MMP17: variants seen among roughly 807,000 people sequenced by gnomAD.
The protein encoded by MMP17 is matrix metalloproteinase-17.
In MMP17, 54 loss-of-function variants were observed where a neutral mutation model predicts 49.1. That is an observed-to-expected ratio of 1.10 (90% CI 0.88 to 1.38). MMP17 has a LOEUF of 1.38. MMP17 is among the 40% of genes most tolerant of loss of function. The pLI, the probability that MMP17 is intolerant of heterozygous loss-of-function variation, is 0.00. For synonymous variants in MMP17, 397 were observed against 383.1 expected (o/e 1.04, Z -0.42); for missense variants, 837 against 853.7 (o/e 0.98, Z 0.24).
At position 131,851,104 on chromosome 12, in the gene MMP17, C is replaced by T; in HGVS notation, c.1642C>T (p.Gln548Ter). 1 of 1,598,560 alleles carries T rather than the reference C, an allele frequency of 6.3e-7. No homozygotes were observed. Among genetic ancestry groups the T allele is most frequent in the Non-Finnish European group, 8.5e-7 (1 of 1,173,438 alleles). Residue 548 changes from glutamine to a stop codon, truncating the protein, a stop_gained, in exon 10 of 10, where the codon CAA (glutamine) becomes TAA (stop). Coordinates refer to ENST00000360564, the MANE Select transcript of MMP17 (RefSeq NM_016155.7). LOFTEE classifies it low-confidence loss of function (END_TRUNC). Reference sequence around the variant, plus strand: ...AGAGGGGCCCCGCGCCCCTCCAGGACAACATGACCAGAGCCGCTCGGAGGA... The same window carrying T: ...AGAGGGGCCCCGCGCCCCTCCAGGATAACATGACCAGAGCCGCTCGGAGGA... ...AAEGPRAPPG[Q>*]HDQSRSEDGY...
chr12:131,849,963 G>A lies in MMP17; in HGVS notation c.1366G>A (p.Asp456Asn). 1.2e-6 allele frequency: 2 copies of A among 1,613,958 alleles called. No homozygotes were observed. The highest frequency in any genetic ancestry group is 1.7e-6 in the Non-Finnish European group (2 of 1,180,004). The change falls in exon 9 of 10, where the codon GAC (aspartate) becomes AAC (asparagine). Residue 456 changes from aspartate to asparagine, a missense_variant. Physicochemically the swap from Asp to Asn is conservative, Grantham distance 23. Coordinates refer to ENST00000360564, the MANE Select transcript of MMP17 (RefSeq NM_016155.7). ...GGACCAGCTGTACTGGCGCTACGAT[G>A]ACCACACGAGGCACATGGACCCCGG... The part of the protein sequence containing the change: ...FKDQLYWRYD[D>N]HTRHMDPGYP...
rs142604695 is a variant in MMP17 at position 131,846,311 on chromosome 12, C to T, written c.1204+862C>T. ...ACCCGGCCGTCTCCTCCCCCATCTC[C>T]GCATCTTCTCTTATAAGGAAGCCGG... On this transcript the variant is annotated intron_variant, in intron 8 of 9. Coordinates refer to ENST00000360564, the MANE Select transcript of MMP17 (RefSeq NM_016155.7). This position sits in a 1 kb window ranked among gnomAD's most constrained non-coding sequence, Gnocchi z 4.6. Among the ~76,000 whole-genome samples, 231 of 152,272 alleles carry T rather than the reference C, an allele frequency of 1.5e-3. 3 individuals carry two copies. The South Asian group carries it at 0.021, about 14-fold the overall frequency.
rs1162700856 is a variant in MMP17, at chr12:131,845,182, G to A, written c.1033G>A (p.Glu345Lys). The A allele has an allele frequency of 6.2e-7, 1 of 1,614,080 alleles. No homozygotes were observed. Among genetic ancestry groups the A allele is most frequent in the South Asian group, 1.1e-5 (1 of 91,080 alleles). Residue 345 changes from glutamate (E) to lysine (K), a missense_variant, in exon 7 of 10, where the codon GAA becomes AAA. Coordinates refer to ENST00000360564, the MANE Select transcript of MMP17 (RefSeq NM_016155.7). ...HFDAVAQIRGEAFFFKGKYFW... is the reference protein window; with the variant it reads ...HFDAVAQIRGKAFFFKGKYFW... ...TGACGCGGTGGCCCAGATCCGGGGT[G>A]AAGCTTTCTTCTTCAAAGGTACCTC...
chr12:131,836,936 A>C (rs1270784173), intron 1 of MMP17, among the ~76,000 whole-genome samples: 1 of 152,132 alleles, frequency 6.6e-6, no homozygotes, highest in African/African-American at 2.4e-5. Flanking sequence ...GATGGCACCC[A>C]GGTCCCCACA....
chr12:131,838,452 G>A lies in MMP17; in HGVS notation c.292+125G>A, dbSNP rs1408982084. On this transcript the variant is annotated intron_variant, in intron 2 of 9. Transcript: ENST00000360564. ...GAATGAACCTGGGTCCTGGCCTGGT[G>A]TAGCTCAGAGCCTGGGGCTGGTCCC... 17 of 1,458,182 alleles carry A rather than the reference G, an allele frequency of 1.2e-5. No individual in the cohort carries two copies. In the African/African-American group the frequency reaches 1.3e-4, roughly 11 times the overall value. The allele number at this position is 1,458,182 out of a possible 1,614,324, so 90.3% of individuals were successfully genotyped here. A position where few individuals can be genotyped will look rare whatever the true frequency, so the allele number is the denominator to read the frequency against.
rs372008515 is a variant in MMP17, at chr12:131,845,530, C to T, written c.1204+81C>T. On this transcript the variant is annotated intron_variant, in intron 8 of 9. Coordinates refer to ENST00000360564, the MANE Select transcript of MMP17 (RefSeq NM_016155.7). Reference sequence around the variant, plus strand: ...GGAGGGACGGAGAGGGTCCAGCCTGCGTGTAAGCCCTACGTCTGCCCAGAG... The same window carrying T: ...GGAGGGACGGAGAGGGTCCAGCCTGTGTGTAAGCCCTACGTCTGCCCAGAG... The T allele has an allele frequency of 6.4e-5, 94 of 1,461,654 alleles. No homozygotes were observed. The African/African-American group carries it at 6.9e-4, about 11-fold the overall frequency. 90.5% of individuals were successfully genotyped at this position (1,461,654 alleles called of 1,614,324 possible).
At chr12:131,836,476 C>CT (rs35237414) in intron 1 of MMP17, among the ~76,000 whole-genome samples, 8,162 of 142,332 alleles carry the variant, frequency 0.057, 626 homozygotes, top group African/African-American at 0.18. Context: ...TTTCTTTTTC[C>CT]TTTTTTTTTT....
At chr12:131,845,492 C>T (rs1887661882) in intron 8 of MMP17, 43 bp downstream of exon 8, 8 of 1,525,316 alleles carry the variant, frequency 5.2e-6, no homozygotes, top group Non-Finnish European at 7.0e-6. Context: ...CCCGGGCCCT[C>T]TGTCCGCCTC....
chr12:131,840,662 C>A lies in MMP17; in HGVS notation c.512C>A (p.Ala171Glu). Residue 171 changes from alanine to glutamate, a missense_variant, in exon 4 of 10, where the codon GCG (alanine) becomes GAG (glutamate). Coordinates refer to ENST00000360564, the MANE Select transcript of MMP17 (RefSeq NM_016155.7). The part of the protein sequence containing the change: ...YYALKVWSDI[A>E]PLNFHEVAGS... The stretch of plus-strand genomic sequence containing the variant: ...GCCCTCAAGGTCTGGAGCGACATTG[C>A]GCCCCTGAACTTCCACGAGGTGGCG... The A allele has an allele frequency of 6.2e-7, 1 of 1,608,588 alleles. No individual in the cohort carries two copies. Among genetic ancestry groups the A allele is most frequent in the Non-Finnish European group, 8.5e-7 (1 of 1,179,964 alleles).
At chr12:131,828,835 G>A (rs1886647218) in intron 1 of MMP17, among the ~76,000 whole-genome samples, 182 bp downstream of exon 1, 1 of 151,936 alleles carries the variant, frequency 6.6e-6, no homozygotes, top group African/African-American at 2.4e-5. Flanking sequence ...GAGCGACCGG[G>A]CGAGCGCACG....
At chr12:131,840,884 A>G (rs746067357) in intron 4 of MMP17, 28 bp downstream of exon 4, 1 of 1,552,178 alleles carries the variant, frequency 6.4e-7, no homozygotes, top group Non-Finnish European at 8.7e-7. Context: ...CTCAGGGCAG[A>G]GTCAGGAGCC....
intron 5 of MMP17, among the ~76,000 whole-genome samples, chr12:131,842,400 C>T (rs986400127): frequency 1.3e-5 from 2 of 152,240 alleles, no homozygotes; most frequent in African/African-American, 2.4e-5. Context: ...ACCCTCCCGG[C>T]CTCAGCATCG....
At chr12:131,840,948 C>T (rs1409282950) in intron 4 of MMP17, 92 bp downstream of exon 4, 49 of 1,386,420 alleles carry the variant, frequency 3.5e-5, no homozygotes, top group East Asian at 4.9e-5. Flanking sequence ...CCCAACCCTG[C>T]GGCTGAAAAC....
At chr12:131,849,143 G>A (rs984767306) in intron 8 of MMP17, among the ~76,000 whole-genome samples, 4 of 152,144 alleles carry the variant, frequency 2.6e-5, no homozygotes, top group Non-Finnish European at 5.9e-5. Context: ...TTCTAGTGAC[G>A]TTGACCATCT....
chr12:131,844,992 C>T (rs981893631), intron 6 of MMP17, 126 bp from the exon 7 acceptor site: 49 of 946,360 alleles, frequency 5.2e-5, no homozygotes, highest in Non-Finnish European at 7.2e-5. Context: ...GACCTCTAGG[C>T]AAGGATAGGG....
rs1185699929 is a variant in MMP17 at position 131,840,654 on chromosome 12, C to T, written c.504C>T (p.Ser168=). The part of the protein sequence containing the change: ...ALMYYALKVW[S]DIAPLNFHEV... ...TGTACTACGCCCTCAAGGTCTGGAGCGACATTGCGCCCCTGAACTTCCACG... is the reference window on the plus strand; with the variant it reads ...TGTACTACGCCCTCAAGGTCTGGAGTGACATTGCGCCCCTGAACTTCCACG... The change falls in exon 4 of 10, where the codon AGC becomes AGT. Residue 168 remains serine, a synonymous_variant. Coordinates refer to ENST00000360564, the MANE Select transcript of MMP17 (RefSeq NM_016155.7). 6.8e-6 allele frequency: 11 copies of T among 1,608,852 alleles called. No homozygotes were observed. The highest frequency in any genetic ancestry group is 4.5e-5 in the East Asian group (2 of 44,870).
In MMP17 at chr12:131,849,809, G is replaced by T. The variant is rs778295690; in HGVS notation, c.1212G>T (p.Arg404Ser). 6.2e-7 allele frequency: 1 copy of T among 1,613,136 alleles called. No individual in the cohort carries two copies. The highest frequency in any genetic ancestry group is 1.3e-5 in the African/African-American group (1 of 74,920). The change falls in exon 9 of 10, where the codon AGG (arginine) becomes AGT (serine). Residue 404 changes from arginine (R) to serine (S), a missense_variant. Physicochemically the swap from Arg to Ser is moderately radical, Grantham distance 110. Coordinates refer to ENST00000360564, the MANE Select transcript of MMP17 (RefSeq NM_016155.7). ...DHKIVFFKGD[R>S]YWVFKDNNVE... is the part of the protein sequence containing the mutation. ...TGTTTCTCTCGCCCCCAGGAGACAGGTACTGGGTGTTCAAGGACAATAACG... is the reference window on the plus strand; with the variant it reads ...TGTTTCTCTCGCCCCCAGGAGACAGTTACTGGGTGTTCAAGGACAATAACG...
chr12:131,846,353 C>T lies in MMP17; in HGVS notation c.1204+904C>T, dbSNP rs868337199. ...GGAAGCCGGGCCTTGATTCAGGTCC[C>T]CTAGTCCTGTTTGTTTTTTGTTTTT... is the stretch of plus-strand genomic sequence containing the variant. On this transcript the variant is annotated intron_variant, in intron 8 of 9. Coordinates refer to ENST00000360564, the MANE Select transcript of MMP17 (RefSeq NM_016155.7). The surrounding 1 kb of genome is among the most constrained non-coding windows in gnomAD (Gnocchi z 4.6). Among the ~76,000 whole-genome samples, 17 of 152,146 alleles carry T rather than the reference C, an allele frequency of 1.1e-4. No homozygotes were observed. The Middle Eastern group carries it at 0.024, about 213-fold the overall frequency.
chr12:131,840,488 G>T, intron 3 of MMP17, 85 bp from the exon 4 acceptor site: 1 of 1,447,712 alleles, frequency 6.9e-7, no homozygotes, highest in Non-Finnish European at 9.3e-7. Context: ...GCACCCCCGG[G>T]CTGAGGAGGG....
Sources: gnomAD v4.1 joint callset for allele counts (sites outside exome capture counted in the v4.1 genomes callset) on GRCh38, gnomAD v4.1.1 for gene constraint, Gnocchi (gnomAD v3.1) non-coding constraint, MANE v1.5 for transcripts, NCBI Gene and HGNC (gene_info 2026-07-23, HGNC 2026-07-21) for gene names.